The following PRP4K variants were observed in gnomAD, a reference collection of about 807,000 sequenced individuals.
PRP4K encodes the protein pre-mRNA processing factor kinase PRP4K.
chr6:4,056,876 A>T, the PRP4K span: 2 of 1,070,486 alleles, frequency 1.9e-6, no homozygotes, highest in Non-Finnish European at 2.6e-6. Flanking sequence ...CTCTATTAAG[A>T]ATTAGTGGGA....
At chr6:4,056,244 C>T in the PRP4K span, 1 of 1,057,628 alleles carries the variant, frequency 9.5e-7, no homozygotes, top group Non-Finnish European at 1.4e-6. Flanking sequence ...TAAAACTTTT[C>T]AAAGCCAATA....
chr6:4,025,217 G>A, the PRP4K span, among the ~76,000 whole-genome samples: 1 of 152,186 alleles, frequency 6.6e-6, no homozygotes, highest in African/African-American at 2.4e-5. Flanking sequence ...TTATATAAAT[G>A]AAATATATAT....
the PRP4K span, among the ~76,000 whole-genome samples, chr6:4,023,880 T>TC: frequency 9.3e-5 from 14 of 151,090 alleles, no homozygotes; most frequent in African/African-American, 3.4e-4. Context: ...TAATTTTTTT[T>TC]TTTTTGAGAC....
At chr6:4,037,302 C>T in the PRP4K span, 1 of 1,147,818 alleles carries the variant, frequency 8.7e-7, no homozygotes, top group Non-Finnish European at 1.2e-6. Context: ...TTTCTTTAGG[C>T]TAATGTGCCT....
chr6:4,043,713 T>TA, the PRP4K span: 5 of 1,056,654 alleles, frequency 4.7e-6, no homozygotes, highest in Middle Eastern at 6.7e-4. Context: ...CATTATTTGA[T>TA]ACGTTCTCTT....
the PRP4K span, chr6:4,021,310 T>G: frequency 1.4e-6 from 2 of 1,397,178 alleles, no homozygotes; most frequent in Non-Finnish European, 2.0e-6. Context: ...AGAACCCAGC[T>G]CTTCCCTACA....
chr6:4,021,785 T>G, the PRP4K span, among the ~76,000 whole-genome samples: 1 of 152,176 alleles, frequency 6.6e-6, no homozygotes, highest in East Asian at 1.9e-4. Context: ...CCTATGCCTC[T>G]TTTGGGGACC....
At chr6:4,056,293 T>C in the PRP4K span, 1 of 1,514,882 alleles carries the variant, frequency 6.6e-7, no homozygotes, top group South Asian at 1.1e-5. Flanking sequence ...TGGCTTGAAT[T>C]AAATTCCCTT....
At chr6:4,057,003 C>T in the PRP4K span, 1 of 1,509,332 alleles carries the variant, frequency 6.6e-7, no homozygotes, top group South Asian at 1.2e-5. Flanking sequence ...TTTTCTCTAT[C>T]CTCGTATATT....
At chr6:4,057,387 G>T in the PRP4K span, among the ~76,000 whole-genome samples, 4 of 152,298 alleles carry the variant, frequency 2.6e-5, no homozygotes, top group Non-Finnish European at 5.9e-5. Context: ...AAGGATAAGA[G>T]AACTTGTTCA....
the PRP4K span, among the ~76,000 whole-genome samples, chr6:4,057,551 A>G: frequency 1.3e-5 from 2 of 152,190 alleles, no homozygotes; most frequent in Non-Finnish European, 1.5e-5. Context: ...TGAATATTAG[A>G]TATTGTAAGA....
At chr6:4,035,283 A>C in the PRP4K span, among the ~76,000 whole-genome samples, 1 of 55,092 alleles carries the variant, frequency 1.8e-5, no homozygotes, top group South Asian at 7.1e-4. Context: ...ACGCCCGGCT[A>C]ATTTTTTTTT....
the PRP4K span, among the ~76,000 whole-genome samples, chr6:4,036,843 G>T: frequency 8.6e-5 from 13 of 151,870 alleles, no homozygotes; most frequent in Non-Finnish European, 1.8e-4. Context: ...ATATTAGTCA[G>T]GTGTGGTGGC....
the PRP4K span, among the ~76,000 whole-genome samples, chr6:4,038,355 G>A: frequency 2.6e-5 from 4 of 151,558 alleles, no homozygotes; most frequent in Non-Finnish European, 2.9e-5. Flanking sequence ...GCAATGGCGC[G>A]ATCTCACTGC....
At chr6:4,062,509 T>C in the PRP4K span, 1 of 152,650 alleles carries the variant, frequency 6.6e-6, no homozygotes, top group African/African-American at 2.4e-5. The surrounding 1 kb of genome is among the most constrained non-coding windows in gnomAD (Gnocchi z 4.2). Context: ...ATTTTAGGGG[T>C]TTAAATAATA....
At chr6:4,049,474 A>G in the PRP4K span, 2 of 485,888 alleles carry the variant, frequency 4.1e-6, no homozygotes, top group Non-Finnish European at 7.2e-6. Flanking sequence ...GCGGGACTAC[A>G]ATTGGAAAAA....
the PRP4K span, among the ~76,000 whole-genome samples, chr6:4,048,186 G>C: frequency 1.3e-5 from 2 of 151,930 alleles, no homozygotes; most frequent in Non-Finnish European, 2.9e-5. Flanking sequence ...AGACCATCCT[G>C]GCTAATACGG....
the PRP4K span, chr6:4,060,454 C>T: frequency 2.5e-6 from 4 of 1,613,708 alleles, no homozygotes; most frequent in African/African-American, 5.3e-5. The surrounding 1 kb of genome is among the most constrained non-coding windows in gnomAD (Gnocchi z 4.7). Flanking sequence ...CAACTAAGGA[C>T]CTGTTGGCTG....
the PRP4K span, among the ~76,000 whole-genome samples, chr6:4,024,933 G>A: frequency 1.3e-5 from 2 of 152,092 alleles, no homozygotes; most frequent in African/African-American, 2.4e-5. Context: ...GGCGTTCCAC[G>A]ATTTTCATTC....
Sources: gnomAD v4.1 joint callset for allele counts (sites outside exome capture counted in the v4.1 genomes callset) on GRCh38, gnomAD v4.1.1 for gene constraint, Gnocchi (gnomAD v3.1) non-coding constraint, MANE v1.5 for transcripts, NCBI Gene and HGNC (gene_info 2026-07-23, HGNC 2026-07-21) for gene names.